The following FOXO3B variants were observed in gnomAD, a reference collection of about 807,000 sequenced individuals.
FOXO3B encodes forkhead box O3B, also known as forkhead box protein O3B.
Under a neutral mutation model 21.9 loss-of-function variants are expected in FOXO3B, and 15 were observed. The ratio of observed to expected loss-of-function variants is 0.68; its 90% confidence interval spans 0.46 to 1.05. The LOEUF is 1.05. FOXO3B is among the 50% of genes least tolerant of loss of function. FOXO3B has a pLI of 0.00. For synonymous variants in FOXO3B, 135 were observed against 213.6 expected, an observed-to-expected ratio of 0.63 and a Z score of 3.21; for missense variants, 293 against 435.5, an observed-to-expected ratio of 0.67 and a Z score of 2.91.
intron 3 of FOXO3B, chr17:18,677,160 A>G: frequency 6.3e-6 from 6 of 948,102 alleles, no homozygotes; most frequent in Non-Finnish European, 9.5e-6. Context: ...GCTGCTGGGA[A>G]TGTAATTGGT....
chr17:18,672,888 C>G lies in FOXO3B; in HGVS notation c.294G>C (p.Pro98=). ...ACTCCGGGTCCAGCTCCACTTCGAG[C>G]GGAGAAAGCGGGGCCGGGGAAGCCG... ...EAPASPAPLS[P]LEVELDPEFE... is the part of the protein sequence containing the mutation. The change falls in exon 4 of 4, where the codon CCG becomes CCC. Residue 98 remains proline, a synonymous_variant. Transcript: ENST00000395675. The surrounding 1 kb of genome is among the most constrained non-coding windows in gnomAD (Gnocchi z 4.2). 1 of 1,560,720 alleles carries G rather than the reference C, an allele frequency of 6.4e-7. No homozygotes were observed. The highest frequency in any genetic ancestry group is 1.2e-5 in the South Asian group (1 of 85,242).
At chr17:18,680,267 T>C (rs1268643053) in intron 3 of FOXO3B, among the ~76,000 whole-genome samples, 1 of 152,258 alleles carries the variant, frequency 6.6e-6, no homozygotes, top group East Asian at 1.9e-4. Flanking sequence ...TGTAACTCTT[T>C]AAATTACGCC....
At position 18,670,878 on chromosome 17, in the gene FOXO3B, C is replaced by T; in HGVS notation, c.*1431G>A. ...TGTGTCAGTTTGAGGGTCTGCTTTG[C>T]CCACTTCCCCTTCCTCAGTGATCCT... On this transcript the variant is annotated 3_prime_UTR_variant, in exon 4 of 4. Coordinates refer to ENST00000395675, the MANE Select transcript of FOXO3B (RefSeq NM_001368135.1). The T allele has an allele frequency of 6.3e-7, 1 of 1,585,794 alleles. No individual in the cohort carries two copies. Among genetic ancestry groups the T allele is most frequent in the Non-Finnish European group, 8.6e-7 (1 of 1,165,246 alleles).
In FOXO3B at chr17:18,672,371, A is replaced by G. The variant is rs1172626417; in HGVS notation, c.811T>C (p.Trp271Arg). 2 of 1,610,282 alleles carry G rather than the reference A, an allele frequency of 1.2e-6. No individual in the cohort carries two copies. The highest frequency in any genetic ancestry group is 1.7e-6 in the Non-Finnish European group (2 of 1,178,962). ...AAGTAGGGCACGCAACTCACCATCC[A>G]CTCGTAGATCTGGGACAGAGTGAGC... ...RRLTLSQIYE[W>R]MVSCVPYFKD... Residue 271 changes from tryptophan to arginine, a missense_variant, in exon 4 of 4, where the codon TGG becomes CGG. Transcript: ENST00000395675. The surrounding 1 kb of genome is among the most constrained non-coding windows in gnomAD (Gnocchi z 4.2).
rs1210886914 is a variant in FOXO3B, at chr17:18,682,262, T to G, written c.-254A>C. 2.0e-5 allele frequency: 13 copies of G among 658,270 alleles called. No homozygotes were observed. Among genetic ancestry groups the G allele is most frequent in the Non-Finnish European group, 3.4e-5 (12 of 358,152 alleles). The allele number at this position is 658,270 out of a possible 1,614,324, so 40.8% of individuals were successfully genotyped here. A position where few individuals can be genotyped will look rare whatever the true frequency, so the allele number is the denominator to read the frequency against. ...TCTTTGGCCAGCTCGGAGTCGCGCA[T>G]GAGTAAGAAGGAGCGGAGCCAGGCG... is the stretch of plus-strand genomic sequence containing the variant. On this transcript the variant is annotated 5_prime_UTR_variant, in exon 1 of 4. An upstream start codon of the reference 5' UTR is lost. Transcript: ENST00000395675.
intron 3 of FOXO3B, among the ~76,000 whole-genome samples, chr17:18,674,625 C>CAAA (rs1191825847): frequency 3.4e-4 from 17 of 50,514 alleles, no homozygotes; most frequent in Middle Eastern, 0.011. Flanking sequence ...GACTCCATCT[C>CAAA]AAAAAAAAAA....
chr17:18,671,863 G>T lies in FOXO3B; in HGVS notation c.*446C>A. 1 of 1,613,170 alleles carries T rather than the reference G, an allele frequency of 6.2e-7. No individual in the cohort carries two copies. The highest frequency in any genetic ancestry group is 8.5e-7 in the Non-Finnish European group (1 of 1,179,404). On this transcript the variant is annotated 3_prime_UTR_variant, in exon 4 of 4. Transcript: ENST00000395675. ...CGTGCACGGCTTGCTTACTGAAGGT[G>T]ACAGGCTCGCTGAGCTGCTGTAGAG...
rs1269258950 is a variant in FOXO3B, at chr17:18,673,024, C to T, written c.158G>A (p.Arg53Gln). ...AGGGACGTGGACGCCGCGAAGGCTC[C>T]GGCTCCCGGGCGCCGCCGCCGCCGC... ...AAAAAAAPGS[R>Q]SLRGVHVPPP... The change falls in exon 4 of 4, where the codon CGG becomes CAG. Residue 53 changes from arginine (R) to glutamine (Q), a missense_variant. By Grantham distance (43) the Arg-to-Gln change is conservative (BLOSUM62 1). This residue lies in a region of FOXO3B where 251 missense variants were observed against 404.0 expected (regional missense o/e 0.62). Coordinates refer to ENST00000395675, the MANE Select transcript of FOXO3B (RefSeq NM_001368135.1). The T allele has an allele frequency of 6.9e-6, 10 of 1,459,750 alleles. No individual in the cohort carries two copies. Among genetic ancestry groups the T allele is most frequent in the Non-Finnish European group, 9.0e-6 (10 of 1,113,238 alleles). 90.4% of individuals were successfully genotyped at this position (1,459,750 alleles called of 1,614,324 possible).
rs2032385113 is a variant in FOXO3B, at chr17:18,672,316, G to T, written c.866C>A (p.Ala289Asp). Residue 289 changes from alanine (A) to aspartate (D), a missense_variant, in exon 4 of 4, where the codon GCC (alanine) becomes GAC (aspartate). Physicochemically the swap from Ala to Asp is moderately radical, Grantham distance 126 (BLOSUM62 -2). Transcript: ENST00000395675. The surrounding 1 kb of genome is among the most constrained non-coding windows in gnomAD (Gnocchi z 4.2). Reference sequence around the variant, plus strand: ...GTGCCGGATGGAGTTCTTCTAGCCGGCAGAGCTGTTGCTGTTGCCCTTATC... The same window carrying T: ...GTGCCGGATGGAGTTCTTCTAGCCGTCAGAGCTGTTGCTGTTGCCCTTATC... ...FKDKGNSNSS[A>D]G The T allele has an allele frequency of 3.7e-6, 6 of 1,612,100 alleles. No individual in the cohort carries two copies. Among genetic ancestry groups the T allele is most frequent in the Non-Finnish European group, 5.1e-6 (6 of 1,178,726 alleles).
At position 18,672,995 on chromosome 17, in the gene FOXO3B, G is replaced by C. The variant is rs1321020083; in HGVS notation, c.187C>G (p.Pro63Ala). 1.4e-5 allele frequency: 20 copies of C among 1,473,370 alleles called. No individual in the cohort carries two copies. The highest frequency in any genetic ancestry group is 2.4e-4 in the Middle Eastern group (1 of 4,140). 91.3% of individuals were successfully genotyped at this position (1,473,370 alleles called of 1,614,324 possible). A position where few individuals can be genotyped will look rare whatever the true frequency, so the allele number is the denominator to read the frequency against. The change falls in exon 4 of 4, where the codon CCG becomes GCG. Residue 63 changes from proline to alanine, a missense_variant. Physicochemically the swap from Pro to Ala is conservative, Grantham distance 27 (BLOSUM62 -1). Around this residue, in one of 2 missense-constraint regions of FOXO3B, gnomAD observed 251 missense variants for 404.0 expected, o/e 0.62. Transcript: ENST00000395675. This position sits in a 1 kb window ranked among gnomAD's most constrained non-coding sequence, Gnocchi z 4.2. ...TCTCGCGCCGGGGCGGGGTGCAGCGGGGGAGGGACGTGGACGCCGCGAAGG... is the reference window on the plus strand; with the variant it reads ...TCTCGCGCCGGGGCGGGGTGCAGCGCGGGAGGGACGTGGACGCCGCGAAGG... The part of the protein sequence containing the change: ...RSLRGVHVPP[P>A]LHPAPAREES...
intron 3 of FOXO3B, among the ~76,000 whole-genome samples, chr17:18,674,719 A>G (rs1462243319): frequency 6.6e-6 from 1 of 151,848 alleles, no homozygotes; most frequent in South Asian, 2.1e-4. Context: ...AACGACAACC[A>G]CCATTTAGAG....
intron 2 of FOXO3B, among the ~76,000 whole-genome samples, 163 bp from the exon 3 acceptor site, chr17:18,680,992 A>G (rs989817086): frequency 2.0e-5 from 3 of 151,950 alleles, no homozygotes; most frequent in East Asian, 1.9e-4. Context: ...TTCCCGGGAT[A>G]TGCGGGAATA....
At chr17:18,679,572 G>A (rs1597497712) in intron 3 of FOXO3B, among the ~76,000 whole-genome samples, 1 of 151,214 alleles carries the variant, frequency 6.6e-6, no homozygotes, top group East Asian at 2.0e-4. Context: ...CTCAGTCTAC[G>A]GAGTGGCTGG....
In FOXO3B at chr17:18,671,992, C is replaced by G. The variant is rs1008853672; in HGVS notation, c.*317G>C. 2 of 1,612,178 alleles carry G rather than the reference C, an allele frequency of 1.2e-6. No individual in the cohort carries two copies. Among genetic ancestry groups the G allele is most frequent in the Non-Finnish European group, 1.7e-6 (2 of 1,179,226 alleles). On this transcript the variant is annotated 3_prime_UTR_variant, in exon 4 of 4. Transcript: ENST00000395675. ...GACTGTGCTGGCGTTAGAATTGGTG[C>G]GTGAACGGAAGTCCGTCCACGCATC...
chr17:18,668,691 C>G lies in FOXO3B; in HGVS notation c.*3618G>C. 6.6e-6 allele frequency: 1 copy of G among 152,176 alleles called. No individual in the cohort carries two copies. Among genetic ancestry groups the G allele is most frequent in the East Asian group, 1.9e-4 (1 of 5,192 alleles). 9.4% of individuals were successfully genotyped at this position (152,176 alleles called of 1,614,324 possible). A position where few individuals can be genotyped will look rare whatever the true frequency, so the allele number is the denominator to read the frequency against. ...AGCACTCTAGAATTCTCCTATCCCCCCACCCTTTTCCATCTCGCTCCCCAC... is the reference window on the plus strand; with the variant it reads ...AGCACTCTAGAATTCTCCTATCCCCGCACCCTTTTCCATCTCGCTCCCCAC... On this transcript the variant is annotated 3_prime_UTR_variant, in exon 4 of 4. Coordinates refer to ENST00000395675, the MANE Select transcript of FOXO3B (RefSeq NM_001368135.1).
At chr17:18,676,577 T>C (rs1035585938) in intron 3 of FOXO3B, among the ~76,000 whole-genome samples, 1 of 152,244 alleles carries the variant, frequency 6.6e-6, no homozygotes, top group East Asian at 1.9e-4. Context: ...TTGTTTTACA[T>C]ACATATGTAT....
chr17:18,678,736 G>T (rs1208572748), intron 3 of FOXO3B, among the ~76,000 whole-genome samples: 2 of 151,428 alleles, frequency 1.3e-5, no homozygotes, highest in East Asian at 3.9e-4. Context: ...CACGCTTCTG[G>T]TACCAGTGCC....
intron 3 of FOXO3B, among the ~76,000 whole-genome samples, chr17:18,680,270 A>G (rs180855650): frequency 1.3e-5 from 2 of 152,358 alleles, no homozygotes; most frequent in Admixed American, 1.3e-4. Flanking sequence ...AACTCTTTAA[A>G]TTACGCCTTC....
Position 18,671,406 on chromosome 17 carries a change from C to A in FOXO3B, c.*903G>T, listed in dbSNP as rs1312735909. On this transcript the variant is annotated 3_prime_UTR_variant, in exon 4 of 4. Transcript: ENST00000395675. ...CGGATCATTGCGAAGCATCACGTTC[C>A]GGCGGGAATTCTGGGCAGACACAGC... 3 of 1,606,512 alleles carry A rather than the reference C, an allele frequency of 1.9e-6. No homozygotes were observed. The highest frequency in any genetic ancestry group is 4.5e-5 in the East Asian group (2 of 44,770).
Sources: allele counts gnomAD v4.1 joint callset (sites outside exome capture counted in the v4.1 genomes callset), GRCh38; gene constraint gnomAD v4.1.1; regional missense constraint gnomAD v4.1.1; non-coding constraint Gnocchi (gnomAD v3.1); transcripts MANE v1.5; gene names NCBI Gene and HGNC (gene_info 2026-07-23, HGNC 2026-07-21).